Variants in RIPOR2 observed in about 807,000 individuals in gnomAD.
The protein encoded by RIPOR2 is RHO family interacting cell polarization regulator 2, also known as rho family-interacting cell polarization regulator 2.
A neutral mutation model predicts 114.5 loss-of-function variants in RIPOR2; 39 were observed. The ratio of observed to expected loss-of-function variants is 0.34; its 90% CI spans 0.26 to 0.44. The LOEUF (loss-of-function observed/expected upper bound fraction) is 0.44. Ranked by LOEUF, RIPOR2 falls within the 20% of genes least tolerant of loss-of-function variation. The pLI is 1.00. For synonymous variants in RIPOR2, 445 were observed against 484.4 expected, an observed-to-expected ratio of 0.92 and a Z score of 1.07; for missense variants, 1,007 against 1,255.1, an observed-to-expected ratio of 0.80 and a Z score of 2.99.
At position 24,832,347 on chromosome 6, in the gene RIPOR2, G is replaced by A. The variant is rs1760755581; in HGVS notation, c.2253C>T (p.Leu751=). 3 of 1,551,924 alleles carry A rather than the reference G, an allele frequency of 1.9e-6. No individual in the cohort carries two copies. The highest frequency in any genetic ancestry group is 2.6e-6 in the Non-Finnish European group (3 of 1,146,992). ...SSKTPFVARS[L]LEKLSRQIQV... is the part of the protein sequence containing the mutation. ...GGATCTGCCTAGAAAGCTTCTCTAA[G>A]AGACTTCTTGCCACAAATGGGGTTT... Residue 751 remains leucine (L), a synonymous_variant, in exon 16 of 22, where the codon CTC becomes CTT. Coordinates refer to ENST00000643898, the MANE Select transcript of RIPOR2 (RefSeq NM_001286445.3).
At chr6:25,040,922 C>T (rs1365567520) in intron 1 of RIPOR2, among the ~76,000 whole-genome samples, 1 of 152,148 alleles carries the variant, frequency 6.6e-6, no homozygotes, top group Non-Finnish European at 1.5e-5. Context: ...AATCCACCAA[C>T]CTCTACCCCA....
At chr6:25,009,674 A>G (rs1295122811) in intron 1 of RIPOR2, among the ~76,000 whole-genome samples, 3 of 152,190 alleles carry the variant, frequency 2.0e-5, no homozygotes, top group African/African-American at 7.2e-5. Flanking sequence ...CGTGTTTTAA[A>G]TGGTGGTCAA....
chr6:24,974,615 A>G (rs905292723), intron 1 of RIPOR2, among the ~76,000 whole-genome samples: 3 of 152,218 alleles, frequency 2.0e-5, no homozygotes, highest in Admixed American at 2.0e-4. Context: ...CAGTTCCTCA[A>G]AAGGTACCAT....
At chr6:24,978,427 C>A (rs977095040) in intron 1 of RIPOR2, among the ~76,000 whole-genome samples, 6 of 152,118 alleles carry the variant, frequency 3.9e-5, no homozygotes, top group African/African-American at 1.4e-4. Context: ...TAAGTAACTA[C>A]TTTAGGATCA....
intron 1 of RIPOR2, among the ~76,000 whole-genome samples, chr6:25,011,850 G>A (rs1348156427): frequency 1.3e-5 from 2 of 152,168 alleles, no homozygotes; most frequent in Admixed American, 6.5e-5. Flanking sequence ...GACAGTAAAA[G>A]CGTAAGTGAC....
chr6:24,994,621 G>C (rs937097077), intron 1 of RIPOR2, among the ~76,000 whole-genome samples: 2 of 152,184 alleles, frequency 1.3e-5, no homozygotes, highest in African/African-American at 4.8e-5. Flanking sequence ...AGAAGACATT[G>C]GGGTACTCAT....
In RIPOR2 at chr6:24,805,704, C is replaced by T. The variant is rs909338744; in HGVS notation, c.*669G>A. 7.2e-5 allele frequency: 11 copies of T among 151,812 alleles called. No individual in the cohort carries two copies. The highest frequency in any genetic ancestry group is 2.6e-4 in the Admixed American group (4 of 15,218). The allele number at this position is 151,812 out of a possible 1,614,324, so 9.4% of individuals were successfully genotyped here. ...AAACTGCAAGGCATATGATGTTTGT[C>T]GAAGTATCACATGACTATTTCAAGC... On this transcript the variant is annotated 3_prime_UTR_variant, in exon 22 of 22. Transcript: ENST00000643898.
chr6:25,024,864 T>G (rs1404978233), intron 1 of RIPOR2, among the ~76,000 whole-genome samples: 1 of 152,260 alleles, frequency 6.6e-6, no homozygotes, highest in Non-Finnish European at 1.5e-5. Flanking sequence ...TTTTAATCCA[T>G]TAATATCCTT....
At chr6:24,921,356 G>A (rs1019039121) in intron 1 of RIPOR2, among the ~76,000 whole-genome samples, 1 of 150,420 alleles carries the variant, frequency 6.6e-6, no homozygotes, top group Non-Finnish European at 1.5e-5. Context: ...TAGAGACGCT[G>A]TTTCACTATG....
intron 8 of RIPOR2, among the ~76,000 whole-genome samples, chr6:24,857,331 CTT>C (rs1763573296): frequency 6.6e-6 from 1 of 152,082 alleles, no homozygotes; most frequent in South Asian, 2.1e-4. Context: ...TTAATGAAAG[CTT>C]TCTAGCTTTC....
chr6:24,806,756 T>A (rs1455837705), intron 21 of RIPOR2, among the ~76,000 whole-genome samples: 3 of 152,230 alleles, frequency 2.0e-5, no homozygotes, highest in African/African-American at 7.2e-5. Context: ...GATGATTTCA[T>A]ATAATCGATT....
chr6:24,838,132 A>T lies in RIPOR2; in HGVS notation c.2039+959T>A, dbSNP rs76208707. On this transcript the variant is annotated intron_variant, in intron 14 of 21. Transcript: ENST00000643898. ...GAGGACACCGGACGGTGAAGGTGAC[A>T]ATGTTTCACCTTCATCTGTTGCTTC... is the stretch of plus-strand genomic sequence containing the variant. Among the ~76,000 whole-genome samples the T allele has an allele frequency of 2.3e-3, 357 of 152,300 alleles. 10 individuals carry two copies. The East Asian group carries it at 0.061, about 26-fold the overall frequency.
At chr6:25,023,740 G>C in intron 1 of RIPOR2, 1 of 795,510 alleles carries the variant, frequency 1.3e-6, no homozygotes, top group Non-Finnish European at 2.2e-6. Flanking sequence ...TCAGGTACAT[G>C]AAGAACTCCA....
intron 1 of RIPOR2, among the ~76,000 whole-genome samples, chr6:24,944,983 T>C (rs1441271261): frequency 2.6e-5 from 4 of 152,120 alleles, no homozygotes; most frequent in Non-Finnish European, 5.9e-5. Flanking sequence ...TAATTTATTA[T>C]ATATTTCAAA....
rs376072505 is a variant in RIPOR2 at position 24,972,127 on chromosome 6, G to A, written c.76+69724C>T. ...ATCCTTTAATTGCCTTTACTTGATC[G>A]AACCAAATTCAGCAAGATGGCATGT... On this transcript the variant is annotated intron_variant, in intron 1 of 13. Transcript: ENST00000510784. 9.2e-5 allele frequency among the ~76,000 whole-genome samples: 14 copies of A among 152,032 alleles called. No individual in the cohort carries two copies. The South Asian group carries it at 2.5e-3, about 27-fold the overall frequency.
intron 1 of RIPOR2, among the ~76,000 whole-genome samples, chr6:24,955,375 G>T (rs1772981062): frequency 6.6e-6 from 1 of 152,032 alleles, no homozygotes; most frequent in Non-Finnish European, 1.5e-5. Context: ...CCATATCCTA[G>T]ACCGGGGCAT....
chr6:24,964,547 A>G (rs1254895308), intron 1 of RIPOR2, among the ~76,000 whole-genome samples: 1 of 152,160 alleles, frequency 6.6e-6, no homozygotes, highest in Admixed American at 6.6e-5. Flanking sequence ...CCCTACTGGG[A>G]GACATTTTGG....
intron 21 of RIPOR2, among the ~76,000 whole-genome samples, chr6:24,807,841 T>A (rs62400836): frequency 0.15 from 22,180 of 152,212 alleles, 2,051 homozygotes; most frequent in South Asian, 0.27. Context: ...CTGCCCTTTG[T>A]CATAGGGCAT....
intron 1 of RIPOR2, among the ~76,000 whole-genome samples, chr6:25,032,596 A>G (rs1332034067): frequency 1.3e-5 from 2 of 152,138 alleles, no homozygotes; most frequent in Non-Finnish European, 2.9e-5. Context: ...TCTCCCGATT[A>G]CCCTGACCTT....
Sources: gnomAD v4.1 joint callset for allele counts (sites outside exome capture counted in the v4.1 genomes callset) on GRCh38, gnomAD v4.1.1 for gene constraint, MANE v1.5 for transcripts, NCBI Gene and HGNC (gene_info 2026-07-23, HGNC 2026-07-21) for gene names.